Variants in MAP3K20 observed in about 807,000 individuals in gnomAD.
The protein encoded by MAP3K20 is HCCS-4.
A neutral mutation model predicts 85.7 loss-of-function variants in MAP3K20; 40 were observed. The observed-to-expected ratio is 0.47, with a 90% CI of 0.36 to 0.61. The LOEUF is 0.61. MAP3K20 is among the 20% of genes least tolerant of loss of function. The pLI, the probability that MAP3K20 is intolerant of heterozygous loss-of-function variation, is 0.00. For missense variants in MAP3K20, 817 were observed against 961.7 expected (o/e 0.85, Z 1.99); for synonymous variants, 325 against 327.7 (o/e 0.99, Z 0.09).
chr2:173,239,308 A>AG, intron 15 of MAP3K20, 96 bp from the exon 16 acceptor site: 4 of 921,148 alleles, frequency 4.3e-6, no homozygotes, highest in Non-Finnish European at 6.4e-6. Context: ...AGATTAGAAT[A>AG]GAAAAAAAAA....
intron 3 of MAP3K20, among the ~76,000 whole-genome samples, 190 bp from the exon 4 acceptor site, chr2:173,182,664 T>C (rs1690364483): frequency 6.6e-6 from 1 of 152,238 alleles, no homozygotes; most frequent in Admixed American, 6.5e-5. Flanking sequence ...TGTAAGTTAC[T>C]GTCTTTTGTT....
chr2:173,266,222 A>G lies in MAP3K20; in HGVS notation c.1875A>G (p.Gln625=), dbSNP rs1254940675. The G allele has an allele frequency of 1.9e-6, 3 of 1,614,020 alleles. No homozygotes were observed. Among genetic ancestry groups the G allele is most frequent in the African/African-American group, 2.7e-5 (2 of 74,906 alleles). ...VRRPQVPIKY[Q]QITPVNQSRS... ...GGCCCCAGGTGCCCATTAAGTATCA[A>G]CAGATTACACCTGTGAACCAGTCCA... The change falls in exon 20 of 20, where the codon CAA becomes CAG. Residue 625 remains glutamine (Q), a synonymous_variant. Transcript: ENST00000375213.
intron 2 of MAP3K20, among the ~76,000 whole-genome samples, chr2:173,140,987 G>A (rs1479848929): frequency 4.0e-5 from 6 of 151,802 alleles, no homozygotes; most frequent in Non-Finnish European, 7.4e-5. Flanking sequence ...TTATCTCAAA[G>A]TAAAAACTTA....
rs569045616 is a variant in MAP3K20 at position 173,076,140 on chromosome 2, G to A, written c.-35+138G>A. 3.2e-5 allele frequency: 19 copies of A among 592,794 alleles called. No individual in the cohort carries two copies. The South Asian group carries it at 1.1e-3, about 34-fold the overall frequency. The allele number at this position is 592,794 out of a possible 1,614,324, so 36.7% of individuals were successfully genotyped here. A position where few individuals can be genotyped will look rare whatever the true frequency, so the allele number is the denominator to read the frequency against. Reference sequence around the variant, plus strand: ...TAGGCGGCCTCGGGAGGCTCCTCGGGGCTCCCCTCCCCGACCCAGGGCCCG... The same window carrying A: ...TAGGCGGCCTCGGGAGGCTCCTCGGAGCTCCCCTCCCCGACCCAGGGCCCG... On this transcript the variant is annotated intron_variant, in intron 1 of 19. Coordinates refer to ENST00000375213, the MANE Select transcript of MAP3K20 (RefSeq NM_016653.3).
At chr2:173,257,723 T>C (rs1685192287) in intron 16 of MAP3K20, among the ~76,000 whole-genome samples, 1 of 152,140 alleles carries the variant, frequency 6.6e-6, no homozygotes. Context: ...TATAATAAAT[T>C]ACCAAAATTT....
chr2:173,122,915 A>T (rs975401785), intron 2 of MAP3K20, among the ~76,000 whole-genome samples: 72 of 152,298 alleles, frequency 4.7e-4, no homozygotes, highest in African/African-American at 1.6e-3. Flanking sequence ...CAGTCGTGAC[A>T]TCTCCTGCGG....
chr2:173,154,968 C>A (rs571930415), intron 2 of MAP3K20, among the ~76,000 whole-genome samples: 13 of 152,098 alleles, frequency 8.5e-5, no homozygotes, highest in African/African-American at 3.1e-4. Flanking sequence ...TTTTGGTGTT[C>A]AGGAAAGTAG....
chr2:173,216,032 A>C (rs189196350), intron 10 of MAP3K20, among the ~76,000 whole-genome samples: 17 of 152,290 alleles, frequency 1.1e-4, no homozygotes, highest in Non-Finnish European at 2.9e-5. Flanking sequence ...CTTCTTCTGC[A>C]TCCTTCTCTC....
intron 2 of MAP3K20, among the ~76,000 whole-genome samples, chr2:173,101,482 C>T (rs17375006): frequency 0.022 from 3,279 of 152,282 alleles, 55 homozygotes; most frequent in Admixed American, 0.041. Flanking sequence ...ATTTGTTCTA[C>T]AGCCATGCTG....
chr2:173,266,782 T>TAA lies in MAP3K20; in HGVS notation c.*32_*33insAA, dbSNP rs1454434717. On this transcript the variant is annotated 3_prime_UTR_variant, in exon 20 of 20. Transcript: ENST00000375213. Reference sequence around the variant, plus strand: ...GAACTACATAGCTTTTCTAAGCAGGTTAAAAAAAAAAAAAAAAAGAAATGT... The same window carrying TAA: ...GAACTACATAGCTTTTCTAAGCAGGTAATAAAAAAAAAAAAAAAAAGAAATGT... The TAA allele has an allele frequency of 2.3e-6, 2 of 871,152 alleles. No individual in the cohort carries two copies. The highest frequency in any genetic ancestry group is 3.1e-6 in the Non-Finnish European group (2 of 645,782). The allele number at this position is 871,152 out of a possible 1,614,324, so 54.0% of individuals were successfully genotyped here.
chr2:173,146,103 T>C (rs892394133), intron 2 of MAP3K20, among the ~76,000 whole-genome samples: 2 of 152,208 alleles, frequency 1.3e-5, no homozygotes, highest in Non-Finnish European at 2.9e-5. Flanking sequence ...ACATTCTGTA[T>C]CTTGATTAAG....
chr2:173,144,193 G>A (rs897117727), intron 2 of MAP3K20, among the ~76,000 whole-genome samples: 1 of 151,922 alleles, frequency 6.6e-6, no homozygotes, highest in African/African-American at 2.4e-5. Flanking sequence ...GCCGGGTGTG[G>A]TGGCTCACGC....
chr2:173,125,871 C>T (rs1017262021), intron 2 of MAP3K20, among the ~76,000 whole-genome samples: 8 of 152,130 alleles, frequency 5.3e-5, no homozygotes, highest in African/African-American at 1.9e-4. Flanking sequence ...ACTGTGTTAG[C>T]CAGGATGGTC....
At chr2:173,086,840 G>A (rs189580123) in intron 1 of MAP3K20, among the ~76,000 whole-genome samples, 3 of 152,114 alleles carry the variant, frequency 2.0e-5, no homozygotes, top group African/African-American at 7.2e-5. Context: ...CCTTTGTTTT[G>A]GAAAGGATTT....
At chr2:173,247,561 T>C (rs777781658) in intron 16 of MAP3K20, among the ~76,000 whole-genome samples, 28 of 152,216 alleles carry the variant, frequency 1.8e-4, no homozygotes, top group South Asian at 2.1e-4. Flanking sequence ...AAAACATACA[T>C]GTATGCACAC....
intron 2 of MAP3K20, among the ~76,000 whole-genome samples, chr2:173,161,200 G>A (rs1689646934): frequency 6.6e-6 from 1 of 152,204 alleles, no homozygotes; most frequent in Non-Finnish European, 1.5e-5. Context: ...ATTGCCTTGG[G>A]CAACAGTGCC....
intron 2 of MAP3K20, among the ~76,000 whole-genome samples, chr2:173,109,690 A>G (rs1286545930): frequency 6.6e-6 from 1 of 151,984 alleles, no homozygotes; most frequent in Non-Finnish European, 1.5e-5. Context: ...TAGAAAAGAG[A>G]GTGTATGGTG....
At chr2:173,185,324 C>T (rs1690454913) in intron 4 of MAP3K20, among the ~76,000 whole-genome samples, 1 of 152,096 alleles carries the variant, frequency 6.6e-6, no homozygotes, top group Non-Finnish European at 1.5e-5. Context: ...ATCCCTTTTG[C>T]CTGTCTGGCT....
At chr2:173,208,230 CTGTA>C (rs1683755051) in intron 9 of MAP3K20, among the ~76,000 whole-genome samples, 1 of 151,860 alleles carries the variant, frequency 6.6e-6, no homozygotes, top group East Asian at 1.9e-4. Flanking sequence ...CGAGACCCCT[CTGTA>C]TAAAAAACTA....
Sources: allele counts gnomAD v4.1 joint callset (sites outside exome capture counted in the v4.1 genomes callset), GRCh38; gene constraint gnomAD v4.1.1; transcripts MANE v1.5; gene names NCBI Gene and HGNC (gene_info 2026-07-23, HGNC 2026-07-21).